Variants in PSPC1 observed in about 807,000 individuals in gnomAD.
The protein encoded by PSPC1 is paraspeckle component 1, also known as paraspeckle protein 1.
A neutral mutation model predicts 51.6 loss-of-function variants in PSPC1; 14 were observed. The ratio of observed to expected loss-of-function variants is 0.27; its 90% CI spans 0.18 to 0.42. The LOEUF (loss-of-function observed/expected upper bound fraction) is 0.42. Among genes scored for constraint, PSPC1 ranks in the 10% least tolerant of loss-of-function variants. The pLI is 1.00. For synonymous variants in PSPC1, 193 were observed against 231.9 expected (o/e 0.83, Z 1.53); for missense variants, 406 against 701.1 (o/e 0.58, Z 4.75).
intron 4 of PSPC1, among the ~76,000 whole-genome samples, chr13:19,743,472 A>G (rs1428452125): frequency 1.2e-5 from 1 of 85,364 alleles, no homozygotes; most frequent in Non-Finnish European, 3.1e-5. Context: ...ACAGACATTT[A>G]TAAATTATGC....
intron 6 of PSPC1, among the ~76,000 whole-genome samples, chr13:19,686,382 T>C (rs1005308000): frequency 3.9e-5 from 6 of 152,098 alleles, no homozygotes; most frequent in Admixed American, 3.9e-4. Flanking sequence ...ATCCAGGTTG[T>C]CAACATTTCA....
At chr13:19,686,475 G>T (rs1877895125) in intron 6 of PSPC1, among the ~76,000 whole-genome samples, 1 of 152,160 alleles carries the variant, frequency 6.6e-6, no homozygotes, top group Non-Finnish European at 1.5e-5. Flanking sequence ...GAGAAATGCG[G>T]ATGTATTAAG....
intron 6 of PSPC1, among the ~76,000 whole-genome samples, chr13:19,694,392 A>G (rs1407724520): frequency 6.6e-6 from 1 of 152,088 alleles, no homozygotes; most frequent in Non-Finnish European, 1.5e-5. Flanking sequence ...AAGCCACATT[A>G]AAGGAGGGAA....
At chr13:19,719,064 C>A (rs1333225971) in intron 6 of PSPC1, among the ~76,000 whole-genome samples, 17 of 150,144 alleles carry the variant, frequency 1.1e-4, no homozygotes, top group Admixed American at 2.0e-4. Context: ...TTTGTCAAAA[C>A]CCTCAGAATG....
intron 2 of PSPC1, among the ~76,000 whole-genome samples, chr13:19,766,600 A>G (rs1018043721): frequency 3.3e-5 from 5 of 152,128 alleles, no homozygotes; most frequent in Admixed American, 1.3e-4. Flanking sequence ...TGGGAGGATC[A>G]TGTGAGCCTG....
At chr13:19,774,856 A>G (rs1888950619) in intron 1 of PSPC1, among the ~76,000 whole-genome samples, 1 of 150,328 alleles carries the variant, frequency 6.7e-6, no homozygotes, top group Non-Finnish European at 1.5e-5. Context: ...AAGAAAGAAA[A>G]GCAAACATTT....
At chr13:19,747,354 CAG>C (rs1886100207) in intron 4 of PSPC1, among the ~76,000 whole-genome samples, 1 of 152,006 alleles carries the variant, frequency 6.6e-6, no homozygotes, top group African/African-American at 2.4e-5. Flanking sequence ...TTTTTAGAGA[CAG>C]AGTCTCGTTC....
At chr13:19,754,624 G>A (rs902402306) in intron 3 of PSPC1, among the ~76,000 whole-genome samples, 1 of 150,638 alleles carries the variant, frequency 6.6e-6, no homozygotes. Context: ...ATTTTTAGTA[G>A]AGACAGGGTT....
intron 6 of PSPC1, among the ~76,000 whole-genome samples, chr13:19,694,811 G>C (rs116723646): frequency 0.01 from 1,549 of 152,290 alleles, 27 homozygotes; most frequent in African/African-American, 0.035. Flanking sequence ...AATTCAATGA[G>C]CACAAACTAA....
chr13:19,693,920 G>A (rs912053542), intron 6 of PSPC1, among the ~76,000 whole-genome samples: 4 of 151,956 alleles, frequency 2.6e-5, no homozygotes, highest in African/African-American at 9.7e-5. Flanking sequence ...TCAGGAGATC[G>A]AGACCATGCT....
At chr13:19,675,320 A>G (rs1876521847) in intron 7 of PSPC1, 3 of 152,220 alleles carry the variant, frequency 2.0e-5, no homozygotes, top group African/African-American at 7.2e-5. Flanking sequence ...TTTCTTGGCT[A>G]TTCTGAATTT....
intron 4 of PSPC1, among the ~76,000 whole-genome samples, chr13:19,743,025 C>T (rs777225595): frequency 1.1e-4 from 16 of 152,140 alleles, no homozygotes; most frequent in Non-Finnish European, 1.2e-4. Context: ...TATCACCAAT[C>T]CCTGCCATAT....
At position 19,782,821 on chromosome 13, in the gene PSPC1, A is replaced by G; in HGVS notation, c.-64T>C. 1 of 1,452,322 alleles carries G rather than the reference A, an allele frequency of 6.9e-7. No homozygotes were observed. Among genetic ancestry groups the G allele is most frequent in the Non-Finnish European group, 9.0e-7 (1 of 1,112,320 alleles). 90.0% of individuals were successfully genotyped at this position (1,452,322 alleles called of 1,614,324 possible). A position where few individuals can be genotyped will look rare whatever the true frequency, so the allele number is the denominator to read the frequency against. On this transcript the variant is annotated 5_prime_UTR_variant, in exon 1 of 9. Coordinates refer to ENST00000338910, the MANE Select transcript of PSPC1 (RefSeq NM_001354909.2). The surrounding 1 kb of genome is among the most constrained non-coding windows in gnomAD (Gnocchi z 4.5). The stretch of plus-strand genomic sequence containing the variant: ...ATTTATAGACAGTGTGTCTATATAT[A>G]TGTATACGTCTCTACATAAACCTAT...
At chr13:19,779,121 G>T (rs1889568661) in intron 1 of PSPC1, among the ~76,000 whole-genome samples, 2 of 109,586 alleles carry the variant, frequency 1.8e-5, no homozygotes, top group Admixed American at 1.8e-4. Context: ...GAAGTGAGGA[G>T]ACCCTCTGCC....
intron 2 of PSPC1, among the ~76,000 whole-genome samples, chr13:19,769,689 C>G (rs1020001535): frequency 7.9e-5 from 12 of 151,974 alleles, no homozygotes; most frequent in Non-Finnish European, 1.6e-4. Flanking sequence ...GAGCTGAGAT[C>G]GCGCCATTGC....
intron 3 of PSPC1, among the ~76,000 whole-genome samples, chr13:19,758,141 C>G (rs1008891960): frequency 6.6e-6 from 1 of 151,906 alleles, no homozygotes; most frequent in South Asian, 2.1e-4. Flanking sequence ...GGTGAAACCC[C>G]GTCTCTACTA....
chr13:19,691,203 T>G (rs1014071137), intron 6 of PSPC1, among the ~76,000 whole-genome samples: 1 of 152,114 alleles, frequency 6.6e-6, no homozygotes, highest in African/African-American at 2.4e-5. Flanking sequence ...AAACACTGTG[T>G]GAACATTGAT....
chr13:19,733,425 G>A (rs1433234083), intron 5 of PSPC1, among the ~76,000 whole-genome samples: 3 of 152,112 alleles, frequency 2.0e-5, no homozygotes, highest in Non-Finnish European at 4.4e-5. Flanking sequence ...GCGAAGGTGG[G>A]AGGATCACTT....
At chr13:19,781,163 A>G (rs1003550125) in intron 1 of PSPC1, among the ~76,000 whole-genome samples, 187 of 148,382 alleles carry the variant, frequency 1.3e-3, no homozygotes, top group Admixed American at 2.3e-3. Context: ...AAAAAAAAAA[A>G]GGCGTAAACC....
Sources: allele counts gnomAD v4.1 joint callset (sites outside exome capture counted in the v4.1 genomes callset), GRCh38; gene constraint gnomAD v4.1.1; non-coding constraint Gnocchi (gnomAD v3.1); transcripts MANE v1.5; gene names NCBI Gene and HGNC (gene_info 2026-07-23, HGNC 2026-07-21).